The following PSMF1 variants were observed in gnomAD, a reference collection of about 807,000 sequenced individuals.
PSMF1 encodes the protein proteasome inhibitor PI31 subunit.
A neutral mutation model predicts 29.3 loss-of-function variants in PSMF1; 30 were observed. The observed-to-expected ratio is 1.02, with a 90% confidence interval of 0.77 to 1.39. The LOEUF is 1.39. Ranked by LOEUF, PSMF1 falls within the 40% of genes most tolerant of loss-of-function variation. The pLI, the probability that PSMF1 is intolerant of heterozygous loss-of-function variation, is 0.00. For missense variants in PSMF1, 344 were observed against 357.5 expected (o/e 0.96, Z 0.31); for synonymous variants, 134 against 139.7 (o/e 0.96, Z 0.29).
intron 3 of PSMF1, chr20:1,134,898 C>T (rs1260365076): frequency 1.6e-6 from 1 of 637,152 alleles, no homozygotes; most frequent in Non-Finnish European, 2.9e-6. Context: ...GGAGGGGCAA[C>T]TCAGATGCCT....
At chr20:1,139,900 A>G (rs2086359715) in intron 4 of PSMF1, among the ~76,000 whole-genome samples, 1 of 152,252 alleles carries the variant, frequency 6.6e-6, no homozygotes, top group South Asian at 2.1e-4. Context: ...GATTTGGGAA[A>G]GAATTGTGTA....
chr20:1,160,771 G>A (rs2086657068), intron 4 of PSMF1: 1 of 420,870 alleles, frequency 2.4e-6, no homozygotes, highest in East Asian at 6.7e-5. Context: ...AGCAAGCACG[G>A]CATCCTGACG....
At position 1,158,299 on chromosome 20, in the gene PSMF1, T is replaced by G. The variant is rs181725936; in HGVS notation, c.552-4831T>G. Among the ~76,000 whole-genome samples the G allele has an allele frequency of 1.8e-3, 276 of 152,364 alleles. 2 individuals are homozygous for G. The highest frequency in any genetic ancestry group is 2.9e-3 in the Non-Finnish European group (196 of 68,044). ...ATCGCAGCAGCTGCTGTTATTACAT[T>G]CTTCCAGGTCTTTCCTTTAACAAAT... is the stretch of plus-strand genomic sequence containing the variant. On this transcript the variant is annotated intron_variant, in intron 4 of 6. Transcript: ENST00000335877.
intron 4 of PSMF1, among the ~76,000 whole-genome samples, chr20:1,156,966 T>A (rs1048480271): frequency 6.6e-6 from 1 of 152,196 alleles, no homozygotes; most frequent in Non-Finnish European, 1.5e-5. Flanking sequence ...TTGGGGAGTT[T>A]ATTAAGTATT....
chr20:1,145,058 G>A (rs2086432162), intron 4 of PSMF1, among the ~76,000 whole-genome samples: 1 of 152,062 alleles, frequency 6.6e-6, no homozygotes, highest in South Asian at 2.1e-4. Context: ...GCTCATTTTT[G>A]TATTTTTAGT....
Position 1,125,562 on chromosome 20 carries a change from A to G in PSMF1, c.194A>G (p.Tyr65Cys). ...GGGTGGAACAACAATAAAGACCTGT[A>G]TGTCCTCCGGTATGAGTATAAGGAT... is the stretch of plus-strand genomic sequence containing the variant. ...PAGWNNNKDL[Y>C]VLRYEYKDGS... The change falls in exon 2 of 7, where the codon TAT becomes TGT. Residue 65 changes from tyrosine to cysteine, a missense_variant. By Grantham distance (194) the Tyr-to-Cys change is radical. Transcript: ENST00000335877. 1 of 1,614,138 alleles carries G rather than the reference A, an allele frequency of 6.2e-7. No homozygotes were observed.
intron 4 of PSMF1, among the ~76,000 whole-genome samples, chr20:1,139,987 C>T (rs972409519): frequency 5.9e-5 from 9 of 152,248 alleles, no homozygotes; most frequent in Middle Eastern, 3.4e-3. Context: ...ATTCTGTGCT[C>T]ACGGCTAGGA....
intron 4 of PSMF1, among the ~76,000 whole-genome samples, chr20:1,149,759 G>A (rs926264318): frequency 1.3e-5 from 2 of 152,180 alleles, no homozygotes; most frequent in African/African-American, 2.4e-5. Flanking sequence ...TGCAAGGCCA[G>A]GTGTGGTGGC....
At chr20:1,120,147 A>C (rs913095195) in intron 1 of PSMF1, among the ~76,000 whole-genome samples, 2 of 150,426 alleles carry the variant, frequency 1.3e-5, no homozygotes, top group Non-Finnish European at 3.0e-5. Flanking sequence ...CCCCTCTCAC[A>C]CTTTACCCCC....
chr20:1,126,050 C>T (rs891786805), intron 2 of PSMF1: 3 of 441,056 alleles, frequency 6.8e-6, no homozygotes, highest in African/African-American at 6.1e-5. Flanking sequence ...ATCTGCCACT[C>T]ACACAGCCCT....
rs1351161822 is a variant in PSMF1, at chr20:1,118,757, C to G, written c.-17C>G. Reference sequence around the variant, plus strand: ...CCGCCCCCTTCTTTCCTCCAGACGCCGAAGTCGCGGGCGCTCATGGCGGGC... The same window carrying G: ...CCGCCCCCTTCTTTCCTCCAGACGCGGAAGTCGCGGGCGCTCATGGCGGGC... On this transcript the variant is annotated 5_prime_UTR_variant, in exon 1 of 7. Transcript: ENST00000335877. The G allele has an allele frequency of 1.3e-5, 21 of 1,607,968 alleles. No individual in the cohort carries two copies. The highest frequency in any genetic ancestry group is 1.7e-6 in the Non-Finnish European group (2 of 1,176,346).
At chr20:1,121,419 T>C (rs1315163741) in intron 1 of PSMF1, among the ~76,000 whole-genome samples, 40 of 152,130 alleles carry the variant, frequency 2.6e-4, no homozygotes, top group Admixed American at 2.5e-3. Context: ...TTGATTGCCA[T>C]TGGGGCTCAG....
intron 1 of PSMF1, among the ~76,000 whole-genome samples, chr20:1,125,159 A>G (rs978997497): frequency 3.3e-5 from 5 of 152,238 alleles, no homozygotes; most frequent in African/African-American, 9.6e-5. Flanking sequence ...GAAAAACACT[A>G]CTTAGAACTT....
Position 1,168,027 on chromosome 20 carries a change from C to G in PSMF1, c.*2947C>G, listed in dbSNP as rs2086752088. The G allele has an allele frequency of 6.6e-6, 1 of 152,346 alleles. No individual in the cohort carries two copies. Among genetic ancestry groups the G allele is most frequent in the South Asian group, 2.1e-4 (1 of 4,830 alleles). The allele number at this position is 152,346 out of a possible 1,614,324, so 9.4% of individuals were successfully genotyped here. On this transcript the variant is annotated 3_prime_UTR_variant, in exon 7 of 7. Coordinates refer to ENST00000335877, the MANE Select transcript of PSMF1 (RefSeq NM_006814.5). ...GTTATTTTTCATGCTTATGGCCATCCTAGTTAGCGTGAAGTAGCATCTCAT... is the reference window on the plus strand; with the variant it reads ...GTTATTTTTCATGCTTATGGCCATCGTAGTTAGCGTGAAGTAGCATCTCAT...
chr20:1,146,283 G>A lies in PSMF1; in HGVS notation c.551+10977G>A, dbSNP rs368337213. Reference sequence around the variant, plus strand: ...CCTTTTCATGTGTCTGAATTACTACGTAACAGATTTTTTTTTTTTTTTAGG... The same window carrying A: ...CCTTTTCATGTGTCTGAATTACTACATAACAGATTTTTTTTTTTTTTTAGG... On this transcript the variant is annotated intron_variant, in intron 4 of 6. Coordinates refer to ENST00000335877, the MANE Select transcript of PSMF1 (RefSeq NM_006814.5). Among the ~76,000 whole-genome samples, 10 of 151,728 alleles carry A rather than the reference G, an allele frequency of 6.6e-5. No individual in the cohort carries two copies. In the East Asian group the frequency reaches 9.7e-4, roughly 15 times the overall value.
At chr20:1,125,418 A>G in intron 1 of PSMF1, 80 bp from the exon 2 acceptor site, 1 of 1,425,088 alleles carries the variant, frequency 7.0e-7, no homozygotes, top group Non-Finnish European at 9.4e-7. Flanking sequence ...GGTGGGTAAG[A>G]TTAGCTTATC....
Position 1,135,278 on chromosome 20 carries a change from C to T in PSMF1, c.523C>T (p.His175Tyr), listed in dbSNP as rs753704284. The change falls in exon 4 of 7, where the codon CAC (histidine) becomes TAC (tyrosine). Residue 175 changes from histidine to tyrosine, a missense_variant. Coordinates refer to ENST00000335877, the MANE Select transcript of PSMF1 (RefSeq NM_006814.5). The part of the protein sequence containing the change: ...EVDPLRIPPH[H>Y]PHTSRQPPWC... Reference sequence around the variant, plus strand: ...GGACCCACTCCGGATTCCTCCACACCACCCACACACCAGTCGGCAGCCTCC... The same window carrying T: ...GGACCCACTCCGGATTCCTCCACACTACCCACACACCAGTCGGCAGCCTCC... 1.2e-6 allele frequency: 2 copies of T among 1,613,552 alleles called. No homozygotes were observed. The highest frequency in any genetic ancestry group is 1.7e-5 in the Admixed American group (1 of 60,004).
At chr20:1,155,927 A>G (rs1381124750) in intron 4 of PSMF1, among the ~76,000 whole-genome samples, 1 of 152,238 alleles carries the variant, frequency 6.6e-6, no homozygotes, top group African/African-American at 2.4e-5. Context: ...CAACTCTGAA[A>G]AAGACAACCG....
intron 1 of PSMF1, among the ~76,000 whole-genome samples, chr20:1,120,802 T>C (rs2086077396): frequency 6.6e-6 from 1 of 152,150 alleles, no homozygotes; most frequent in Non-Finnish European, 1.5e-5. Flanking sequence ...CCTCCTCATG[T>C]ACCTCACTCC....
Sources: gnomAD v4.1 joint callset for allele counts (sites outside exome capture counted in the v4.1 genomes callset) on GRCh38, gnomAD v4.1.1 for gene constraint, MANE v1.5 for transcripts, NCBI Gene and HGNC (gene_info 2026-07-23, HGNC 2026-07-21) for gene names.